The following CSMD1 variants were observed in gnomAD, a reference collection of about 807,000 sequenced individuals.
The protein encoded by CSMD1 is CUB and Sushi multiple domains 1.
In CSMD1, 213 loss-of-function variants were observed where a neutral mutation model predicts 417.5. That is an observed-to-expected ratio of 0.51 (90% confidence interval 0.46 to 0.57). The LOEUF is 0.57. Ranked by LOEUF, CSMD1 falls within the 20% of genes least tolerant of loss-of-function variation. The pLI is 0.00. For missense variants in CSMD1, 6,923 were observed against 4,529.7 expected, an observed-to-expected ratio of 1.53 and a Z score of -15.17; for synonymous variants, 2,862 against 1,736.8, an observed-to-expected ratio of 1.65 and a Z score of -16.11.
intron 1 of CSMD1, among the ~76,000 whole-genome samples, chr8:4,710,947 T>C (rs1008582345): frequency 3.3e-5 from 5 of 152,076 alleles, no homozygotes; most frequent in African/African-American, 1.2e-4. Flanking sequence ...CCATGCCCTA[T>C]CCTGAGACAA....
At chr8:4,152,368 G>A (rs1421183933) in intron 3 of CSMD1, among the ~76,000 whole-genome samples, 1 of 152,112 alleles carries the variant, frequency 6.6e-6, no homozygotes, top group Non-Finnish European at 1.5e-5. Context: ...GAATGCTTAT[G>A]TACTAATGTT....
At chr8:3,251,610 G>T (rs1800267061) in intron 26 of CSMD1, among the ~76,000 whole-genome samples, 1 of 152,114 alleles carries the variant, frequency 6.6e-6, no homozygotes, top group Non-Finnish European at 1.5e-5. Flanking sequence ...GAAAGTCATT[G>T]GTAGCTTGAT....
rs140464784 is a variant in CSMD1 at position 3,705,972 on chromosome 8, G to C, written c.1009+2442C>G. ...TCACCTTGGGTATCAAGAACGTAAAGCACTTTCATACTCAGTCTCCTACAG... is the reference window on the plus strand; with the variant it reads ...TCACCTTGGGTATCAAGAACGTAAACCACTTTCATACTCAGTCTCCTACAG... On this transcript the variant is annotated intron_variant, in intron 7 of 69. Coordinates refer to ENST00000635120, the MANE Select transcript of CSMD1 (RefSeq NM_033225.6). Among the ~76,000 whole-genome samples the C allele has an allele frequency of 2.0e-5, 3 of 152,352 alleles. No homozygotes were observed. The East Asian group carries it at 5.8e-4, about 29-fold the overall frequency.
chr8:4,613,565 G>C (rs1033719844), intron 2 of CSMD1, among the ~76,000 whole-genome samples: 3 of 152,202 alleles, frequency 2.0e-5, no homozygotes, highest in Non-Finnish European at 4.4e-5. Flanking sequence ...AATGACTACA[G>C]TTAAGTGATG....
At chr8:4,215,484 G>A (rs192815289) in intron 3 of CSMD1, among the ~76,000 whole-genome samples, 21 of 124,320 alleles carry the variant, frequency 1.7e-4, no homozygotes, top group African/African-American at 3.1e-4. Flanking sequence ...TTTGGGGGCC[G>A]GGGTTTTATG....
rs1394121007 is a variant in CSMD1, at chr8:3,187,959, C to G, written c.5530G>C (p.Val1844Leu). 2.5e-6 allele frequency: 4 copies of G among 1,612,254 alleles called. No individual in the cohort carries two copies. The African/African-American group carries it at 4.0e-5, about 16-fold the overall frequency. Residue 1844 changes from valine (V) to leucine (L), a missense_variant, in exon 36 of 70, where the codon GTG becomes CTG. Val to Leu is a conservative substitution (Grantham distance 32, BLOSUM62 1). Coordinates refer to ENST00000635120, the MANE Select transcript of CSMD1 (RefSeq NM_033225.6). The stretch of plus-strand genomic sequence containing the variant: ...TTCTGCTCCGTGGCAAAACTGATCA[C>G]TTGGATCTACCAAACCATGACATTA... ...VTEGSGIQIQ[V>L]ISFATEQNWD...
intron 2 of CSMD1, among the ~76,000 whole-genome samples, chr8:4,542,566 G>T (rs1337379690): frequency 6.6e-6 from 1 of 152,082 alleles, no homozygotes; most frequent in African/African-American, 2.4e-5. Flanking sequence ...TGTCATTTTT[G>T]CCCAGTATTT....
chr8:4,311,059 A>G (rs7843273), intron 3 of CSMD1, among the ~76,000 whole-genome samples: 2 of 152,044 alleles, frequency 1.3e-5, no homozygotes, highest in African/African-American at 4.8e-5. Flanking sequence ...TGGGAGTGTA[A>G]ATTAGTTCAA....
chr8:4,315,729 C>A (rs188808285), intron 3 of CSMD1, among the ~76,000 whole-genome samples: 1 of 152,018 alleles, frequency 6.6e-6, no homozygotes, highest in African/African-American at 2.4e-5. Context: ...TTGAGCTGTG[C>A]AAAAAAGAAA....
intron 2 of CSMD1, among the ~76,000 whole-genome samples, chr8:4,620,029 T>C (rs1801682125): frequency 6.6e-6 from 1 of 152,044 alleles, no homozygotes; most frequent in African/African-American, 2.4e-5. Context: ...ATGCATTTTA[T>C]AAAATTAGAA....
chr8:3,745,775 A>C (rs895827995), intron 6 of CSMD1, among the ~76,000 whole-genome samples: 3 of 152,200 alleles, frequency 2.0e-5, no homozygotes, highest in Non-Finnish European at 4.4e-5. Flanking sequence ...CCTGATTCAG[A>C]TCATTAAGAG....
intron 49 of CSMD1, among the ~76,000 whole-genome samples, chr8:3,084,005 G>A (rs1285992882): frequency 6.6e-6 from 1 of 152,020 alleles, no homozygotes; most frequent in African/African-American, 2.4e-5. Flanking sequence ...TCCCTTGGAA[G>A]GAAACAAATC....
chr8:4,183,147 G>A (rs1371623229), intron 3 of CSMD1, among the ~76,000 whole-genome samples: 2 of 152,052 alleles, frequency 1.3e-5, no homozygotes, highest in East Asian at 1.9e-4. Context: ...CATTTTAAAA[G>A]TTAATTAATG....
chr8:3,700,395 A>C (rs1220071831), intron 7 of CSMD1: 2 of 152,172 alleles, frequency 1.3e-5, no homozygotes, highest in Non-Finnish European at 1.5e-5. Context: ...CACTCAAATA[A>C]ACATACACGT....
intron 3 of CSMD1, among the ~76,000 whole-genome samples, chr8:4,080,474 A>G (rs2554637): frequency 0.012 from 1,881 of 152,350 alleles, 39 homozygotes; most frequent in African/African-American, 0.041. Flanking sequence ...GGTTTTATTA[A>G]GCTCTCTGGG....
intron 3 of CSMD1, among the ~76,000 whole-genome samples, chr8:4,289,389 A>G (rs1216859893): frequency 1.7e-5 from 2 of 114,566 alleles, no homozygotes; most frequent in Admixed American, 2.1e-4. Flanking sequence ...TCGATCAATT[A>G]GTTAAAGTAG....
intron 2 of CSMD1, among the ~76,000 whole-genome samples, chr8:4,618,712 C>A (rs933075714): frequency 3.9e-5 from 6 of 152,118 alleles, no homozygotes; most frequent in Non-Finnish European, 5.9e-5. Context: ...AAACGTGATG[C>A]ATGGACCTTC....
At chr8:4,187,133 T>C (rs569094847) in intron 3 of CSMD1, among the ~76,000 whole-genome samples, 6 of 107,740 alleles carry the variant, frequency 5.6e-5, no homozygotes, top group Non-Finnish European at 7.5e-5. Context: ...TCCACTCTGT[T>C]AAAACATATT....
chr8:3,703,881 G>A (rs1316423851), intron 7 of CSMD1, among the ~76,000 whole-genome samples: 1 of 152,078 alleles, frequency 6.6e-6, no homozygotes, highest in South Asian at 2.1e-4. Flanking sequence ...GACCAGCCTG[G>A]CCAATGGTGA....
Sources: gnomAD v4.1 joint callset for allele counts (sites outside exome capture counted in the v4.1 genomes callset) on GRCh38, gnomAD v4.1.1 for gene constraint, MANE v1.5 for transcripts, NCBI Gene and HGNC (gene_info 2026-07-23, HGNC 2026-07-21) for gene names.